LRRC42: variants seen among roughly 807,000 people sequenced by gnomAD.
The protein encoded by LRRC42 is leucine-rich repeat-containing protein 42.
LRRC42 carries 43 observed loss-of-function variants against 44.3 expected under a neutral mutation model. The ratio of observed to expected loss-of-function variants is 0.97; its 90% CI spans 0.76 to 1.25. The LOEUF (loss-of-function observed/expected upper bound fraction) is 1.25, where lower values mean the gene tolerates loss of function less well. Ranked by LOEUF, LRRC42 falls within the 50% of genes most tolerant of loss-of-function variation. The pLI is 0.00. For synonymous variants in LRRC42, 207 were observed against 195.2 expected (o/e 1.06, Z -0.50); for missense variants, 540 against 509.1 (o/e 1.06, Z -0.58).
Position 53,946,393 on chromosome 1 carries a change from T to C in LRRC42, c.-205T>C, listed in dbSNP as rs550978062. On this transcript the variant is annotated 5_prime_UTR_variant, in exon 1 of 9. Coordinates refer to ENST00000371370, the MANE Select transcript of LRRC42 (RefSeq NM_001256409.2). ...GCCGGTCCCGCGGTCCCACGGCGCCTGGTTGCCCCCAGCCCCCTCCCTCCT... is the reference window on the plus strand; with the variant it reads ...GCCGGTCCCGCGGTCCCACGGCGCCCGGTTGCCCCCAGCCCCCTCCCTCCT... 5 of 151,802 alleles carry C rather than the reference T, an allele frequency of 3.3e-5. No homozygotes were observed. In the South Asian group the frequency reaches 8.3e-4, roughly 25 times the overall value. 9.4% of individuals were successfully genotyped at this position (151,802 alleles called of 1,614,324 possible).
At chr1:53,957,815 GA>G (rs1654880921) in intron 3 of LRRC42, among the ~76,000 whole-genome samples, 1 of 152,182 alleles carries the variant, frequency 6.6e-6, no homozygotes, top group South Asian at 2.1e-4. Context: ...CTAAAGTTTG[GA>G]AATTCTCAGG....
chr1:53,951,915 C>T, intron 2 of LRRC42, 71 bp from the exon 3 acceptor site: 1 of 1,237,406 alleles, frequency 8.1e-7, no homozygotes, highest in Non-Finnish European at 1.1e-6. Flanking sequence ...GCCCTGGGCA[C>T]AGCAAGATGA....
chr1:53,959,918 TC>T (rs1654948724), intron 4 of LRRC42, among the ~76,000 whole-genome samples: 1 of 150,088 alleles, frequency 6.7e-6, no homozygotes, highest in Non-Finnish European at 1.5e-5. Flanking sequence ...CACCAAAAAA[TC>T]TTTTTTTTTT....
chr1:53,958,235 A>G lies in LRRC42; in HGVS notation c.560A>G (p.Asp187Gly). The change falls in exon 4 of 9, where the codon GAT becomes GGT. Residue 187 changes from aspartate to glycine, a missense_variant. Physicochemically the swap from Asp to Gly is moderately conservative, Grantham distance 94. Coordinates refer to ENST00000371370, the MANE Select transcript of LRRC42 (RefSeq NM_001256409.2). Reference protein sequence around the residue: ...CLDLSCCKLGDEHELLEHLTN... With the variant: ...CLDLSCCKLGGEHELLEHLTN... ...GATCTTTCCTGTTGCAAGCTTGGAG[A>G]TGAGCATGAACTTCTAGAACATCTC... The G allele has an allele frequency of 6.2e-7, 1 of 1,613,878 alleles. No homozygotes were observed. The highest frequency in any genetic ancestry group is 8.5e-7 in the Non-Finnish European group (1 of 1,179,822).
chr1:53,947,311 T>C (rs1232930146), intron 1 of LRRC42, among the ~76,000 whole-genome samples: 1 of 151,488 alleles, frequency 6.6e-6, no homozygotes, highest in Non-Finnish European at 1.5e-5. Flanking sequence ...AGCGCTAGAA[T>C]TGGTAAGAGT....
At chr1:53,965,474 TTTTTC>T (rs1187907310) in intron 7 of LRRC42, among the ~76,000 whole-genome samples, 6 of 151,908 alleles carry the variant, frequency 3.9e-5, no homozygotes, top group Admixed American at 2.0e-4. Context: ...GCATATTTCT[TTTTTC>T]TTTTCTTTTT....
intron 7 of LRRC42, among the ~76,000 whole-genome samples, chr1:53,964,653 A>G (rs920024089): frequency 6.6e-6 from 1 of 152,208 alleles, no homozygotes; most frequent in African/African-American, 2.4e-5. Context: ...AAAGATGGCA[A>G]CTAATATTTA....
At chr1:53,952,497 G>A (rs1431931100) in intron 3 of LRRC42, 25 bp downstream of exon 3, 10 of 1,550,292 alleles carry the variant, frequency 6.5e-6, no homozygotes, top group East Asian at 2.3e-5. Context: ...TAGATTATTC[G>A]GTATTTTATT....
In LRRC42 at chr1:53,962,015, C is replaced by T. The variant is rs184130223; in HGVS notation, c.725-19C>T. ...GCATTTATATTGTGACAGAATGCTACGTTGTTTTTGACATCTAGGTAACCC... is the reference window on the plus strand; with the variant it reads ...GCATTTATATTGTGACAGAATGCTATGTTGTTTTTGACATCTAGGTAACCC... On this transcript the variant is annotated intron_variant, in intron 5 of 8. Coordinates refer to ENST00000371370, the MANE Select transcript of LRRC42 (RefSeq NM_001256409.2). 4.6e-4 allele frequency: 710 copies of T among 1,559,848 alleles called. 2 individuals are homozygous for T. Among genetic ancestry groups the T allele is most frequent in the South Asian group, 4.0e-3 (349 of 87,504 alleles).
chr1:53,949,249 A>G (rs1489969408), intron 2 of LRRC42, among the ~76,000 whole-genome samples: 1 of 152,080 alleles, frequency 6.6e-6, no homozygotes, highest in African/African-American at 2.4e-5. Context: ...TCTAGTTTTC[A>G]TCTGAAGTGG....
intron 3 of LRRC42, among the ~76,000 whole-genome samples, chr1:53,956,908 G>A (rs895577883): frequency 3.3e-5 from 5 of 152,168 alleles, no homozygotes; most frequent in African/African-American, 1.2e-4. Flanking sequence ...GTGATTGGAA[G>A]GTGGAAAACA....
chr1:53,962,207 G>T, intron 6 of LRRC42, 85 bp downstream of exon 6: 1 of 1,433,406 alleles, frequency 7.0e-7, no homozygotes, highest in Middle Eastern at 1.7e-4. Flanking sequence ...AGAAAGGGCT[G>T]GTATTTATGA....
chr1:53,958,079 A>G (rs766962198), intron 3 of LRRC42, 70 bp from the exon 4 acceptor site: 1 of 1,591,298 alleles, frequency 6.3e-7, no homozygotes, highest in Non-Finnish European at 8.6e-7. Flanking sequence ...TGACTATGAT[A>G]CAAATCCACA....
chr1:53,946,728 G>A (rs960072401), intron 1 of LRRC42, among the ~76,000 whole-genome samples, 179 bp downstream of exon 1: 5 of 151,980 alleles, frequency 3.3e-5, no homozygotes, highest in African/African-American at 1.2e-4. Context: ...GTGGCGTAGG[G>A]GTGCGGGGGC....
chr1:53,963,036 G>A (rs1655038057), intron 7 of LRRC42, among the ~76,000 whole-genome samples: 1 of 152,134 alleles, frequency 6.6e-6, no homozygotes, highest in Admixed American at 6.6e-5. Context: ...AGCACAAGTA[G>A]ATGCCACCTT....
intron 7 of LRRC42, among the ~76,000 whole-genome samples, chr1:53,964,765 C>A (rs973011318): frequency 1.3e-5 from 2 of 152,102 alleles, no homozygotes; most frequent in African/African-American, 4.8e-5. Flanking sequence ...ATCATTGATC[C>A]TTACAGATGA....
intron 3 of LRRC42, among the ~76,000 whole-genome samples, chr1:53,956,243 CTT>C (rs1208664335): frequency 6.6e-6 from 1 of 152,216 alleles, no homozygotes; most frequent in Non-Finnish European, 1.5e-5. Context: ...AAGCAAGTGT[CTT>C]TGCAACTGAA....
intron 3 of LRRC42, among the ~76,000 whole-genome samples, chr1:53,953,293 A>G (rs892089528): frequency 6.6e-6 from 1 of 152,244 alleles, no homozygotes; most frequent in African/African-American, 2.4e-5. Context: ...AGCATGCTGC[A>G]TACACTCTTA....
In LRRC42 at chr1:53,962,345, A is replaced by C. The variant is rs752227550; in HGVS notation, c.863A>C (p.His288Pro). Residue 288 changes from histidine (H) to proline (P), a missense_variant, in exon 7 of 9, where the codon CAC (histidine) becomes CCC (proline). His to Pro is a moderately conservative substitution (Grantham distance 77). Transcript: ENST00000371370. Reference sequence around the variant, plus strand: ...CTCCAGACCCACATAGGCCTTGTTCACTCCAAAGTGCCTTTGAAGGAATTT... The same window carrying C: ...CTCCAGACCCACATAGGCCTTGTTCCCTCCAAAGTGCCTTTGAAGGAATTT... ...HKLQTHIGLV[H>P]SKVPLKEFDH... 4 of 1,614,160 alleles carry C rather than the reference A, an allele frequency of 2.5e-6. No homozygotes were observed. Among genetic ancestry groups the C allele is most frequent in the Admixed American group, 3.3e-5 (2 of 60,024 alleles).
Sources: allele counts gnomAD v4.1 joint callset (sites outside exome capture counted in the v4.1 genomes callset), GRCh38; gene constraint gnomAD v4.1.1; transcripts MANE v1.5; gene names NCBI Gene and HGNC (gene_info 2026-07-23, HGNC 2026-07-21).